Variants in DOCK10 observed in about 807,000 individuals in gnomAD.
The protein encoded by DOCK10 is dedicator of cytokinesis 10, also known as dedicator of cytokinesis protein 10.
Under a neutral mutation model 280.1 loss-of-function variants are expected in DOCK10, and 145 were observed. The ratio of observed to expected loss-of-function variants is 0.52; its 90% CI spans 0.45 to 0.59. The LOEUF (loss-of-function observed/expected upper bound fraction) is 0.59. Ranked by LOEUF, DOCK10 falls within the 20% of genes least tolerant of loss-of-function variation. The probability of loss-of-function intolerance (pLI) is 0.00; values close to 1 mark genes in which losing one functional copy is unlikely to be tolerated. For missense variants in DOCK10, 2,368 were observed against 2,651.7 expected, an observed-to-expected ratio of 0.89 and a Z score of 2.35; for synonymous variants, 915 against 942.2, an observed-to-expected ratio of 0.97 and a Z score of 0.53.
Position 224,786,021 on chromosome 2 carries a change from C to G in DOCK10, c.5655+1001G>C, listed in dbSNP as rs1449553037. ...ACCAGCCTGGCCAACATAATGAAACCCTGTCTCTACTAAAAAATACAAAAA... is the reference window on the plus strand; with the variant it reads ...ACCAGCCTGGCCAACATAATGAAACGCTGTCTCTACTAAAAAATACAAAAA... On this transcript the variant is annotated intron_variant, in intron 50 of 55. Transcript: ENST00000258390. This position sits in a 1 kb window ranked among gnomAD's most constrained non-coding sequence, Gnocchi z 4.7. 1.3e-5 allele frequency among the ~76,000 whole-genome samples: 2 copies of G among 152,010 alleles called. No individual in the cohort carries two copies. Among genetic ancestry groups the G allele is most frequent in the East Asian group, 1.9e-4 (1 of 5,132 alleles).
At chr2:225,028,527 C>T (rs950059898) in intron 1 of DOCK10, among the ~76,000 whole-genome samples, 1 of 152,128 alleles carries the variant, frequency 6.6e-6, no homozygotes, top group Non-Finnish European at 1.5e-5. Context: ...ACCTACACTA[C>T]GGTAGGATAA....
intron 27 of DOCK10, among the ~76,000 whole-genome samples, chr2:224,827,298 A>T (rs2125368848): frequency 6.6e-6 from 1 of 151,764 alleles, no homozygotes; most frequent in Non-Finnish European, 1.5e-5. Context: ...AAAAGATGAT[A>T]TCAGGTCTTT....
chr2:224,940,424 T>C (rs185573617), intron 1 of DOCK10, among the ~76,000 whole-genome samples: 2 of 152,326 alleles, frequency 1.3e-5, no homozygotes, highest in East Asian at 3.9e-4. Flanking sequence ...TTCCTCAATT[T>C]TTATGTTTAT....
chr2:224,854,884 C>T, intron 16 of DOCK10, 79 bp downstream of exon 16: 1 of 1,155,456 alleles, frequency 8.7e-7, no homozygotes, highest in Non-Finnish European at 1.2e-6. Flanking sequence ...ACCAACCAAC[C>T]AACCAACCAA....
At chr2:224,957,285 G>GCC (rs35689409) in intron 1 of DOCK10, among the ~76,000 whole-genome samples, 25,257 of 114,526 alleles carry the variant, frequency 0.22, 2,923 homozygotes, top group Non-Finnish European at 0.25. Context: ...TTTACTTTCC[G>GCC]CCCCCCCCCG....
intron 1 of DOCK10, among the ~76,000 whole-genome samples, chr2:224,933,651 A>G (rs1364422022): frequency 6.6e-6 from 1 of 152,196 alleles, no homozygotes; most frequent in Admixed American, 6.5e-5. Flanking sequence ...TTCATTGTTT[A>G]TGTCTCTAAG....
chr2:224,777,700 C>T (rs890271869), intron 51 of DOCK10, among the ~76,000 whole-genome samples: 9 of 152,180 alleles, frequency 5.9e-5, no homozygotes, highest in Admixed American at 5.2e-4. Flanking sequence ...ACCCTGTGAT[C>T]GTGTGAGTCA....
At chr2:224,920,060 T>C (rs978674990) in intron 2 of DOCK10, among the ~76,000 whole-genome samples, 1 of 152,042 alleles carries the variant, frequency 6.6e-6, no homozygotes, top group Non-Finnish European at 1.5e-5. Context: ...ATCTTATTAT[T>C]TACATTTTAC....
intron 31 of DOCK10, among the ~76,000 whole-genome samples, chr2:224,811,219 A>G (rs982429573): frequency 3.3e-5 from 5 of 152,070 alleles, no homozygotes; most frequent in Non-Finnish European, 5.9e-5. Flanking sequence ...TTTGATCTGC[A>G]TTTCTCTGAT....
Position 224,765,771 on chromosome 2 carries a change from C to T in DOCK10, c.6511G>A (p.Ala2171Thr). ...DQTCTRVISK[A>T]TPALPTVSIS... The stretch of plus-strand genomic sequence containing the variant: ...GAGACCGTGGGTAGGGCCGGAGTTG[C>T]TTTGCTAATTACTCGAGTGCAGGTT... Residue 2171 changes from alanine to threonine, a missense_variant, in exon 56 of 56, where the codon GCA becomes ACA. Transcript: ENST00000258390. 2 of 1,613,936 alleles carry T rather than the reference C, an allele frequency of 1.2e-6. No individual in the cohort carries two copies. Among genetic ancestry groups the T allele is most frequent in the Non-Finnish European group, 1.7e-6 (2 of 1,179,880 alleles).
At chr2:224,782,534 G>A (rs1235035162) in intron 50 of DOCK10, among the ~76,000 whole-genome samples, 2 of 152,166 alleles carry the variant, frequency 1.3e-5, no homozygotes, top group African/African-American at 2.4e-5. Flanking sequence ...CTTTGTATAG[G>A]CTGCTATATG....
chr2:224,931,729 T>C, intron 1 of DOCK10, 61 bp from the exon 2 acceptor site: 1 of 1,492,664 alleles, frequency 6.7e-7, no homozygotes, highest in South Asian at 1.3e-5. Context: ...TTTCTATGCC[T>C]GGTTGGATTT....
intron 2 of DOCK10, among the ~76,000 whole-genome samples, chr2:224,928,218 T>A (rs1217774637): frequency 2.6e-5 from 4 of 152,072 alleles, no homozygotes; most frequent in Non-Finnish European, 5.9e-5. Flanking sequence ...AAACCAAAAA[T>A]GCATGCAGTT....
intron 30 of DOCK10, among the ~76,000 whole-genome samples, 175 bp downstream of exon 30, chr2:224,816,442 C>A (rs751893014): frequency 3.9e-5 from 6 of 152,060 alleles, no homozygotes; most frequent in African/African-American, 1.4e-4. Flanking sequence ...CACATGCCAA[C>A]AACTTCTTTT....
intron 51 of DOCK10, among the ~76,000 whole-genome samples, chr2:224,776,691 C>A (rs565378012): frequency 6.6e-6 from 1 of 152,208 alleles, no homozygotes; most frequent in Non-Finnish European, 1.5e-5. Context: ...TGGGCACAAA[C>A]CACCTTTTCC....
Position 224,864,688 on chromosome 2 carries a change from A to G in DOCK10, c.1480-13T>C. 6.2e-7 allele frequency: 1 copy of G among 1,601,568 alleles called. No homozygotes were observed. Among genetic ancestry groups the G allele is most frequent in the Non-Finnish European group, 8.5e-7 (1 of 1,176,600 alleles). On this transcript the variant is annotated splice_polypyrimidine_tract_variant and intron_variant, in intron 12 of 55. Transcript: ENST00000258390. ...CAGAAAATACAGCCTGTGTACAAAG[A>G]AAGCAGCTAATAAGCATGGAAGAAA...
At chr2:224,798,950 G>GTAC (rs1367276332) in intron 41 of DOCK10, among the ~76,000 whole-genome samples, 1 of 152,088 alleles carries the variant, frequency 6.6e-6, no homozygotes, top group East Asian at 1.9e-4. Flanking sequence ...AATCCGTAAT[G>GTAC]TACTAGCCTA....
intron 1 of DOCK10, among the ~76,000 whole-genome samples, chr2:224,964,735 T>C (rs886930423): frequency 6.6e-6 from 1 of 152,200 alleles, no homozygotes; most frequent in African/African-American, 2.4e-5. Flanking sequence ...TAATGTTAAA[T>C]TTCACCTTTT....
intron 1 of DOCK10, among the ~76,000 whole-genome samples, chr2:225,010,006 G>C (rs1243367094): frequency 6.6e-6 from 1 of 152,144 alleles, no homozygotes; most frequent in Non-Finnish European, 1.5e-5. Flanking sequence ...TTTTCATGTG[G>C]CTAAGGAGCC....
Sources: allele counts gnomAD v4.1 joint callset (sites outside exome capture counted in the v4.1 genomes callset), GRCh38; gene constraint gnomAD v4.1.1; non-coding constraint Gnocchi (gnomAD v3.1); transcripts MANE v1.5; gene names NCBI Gene and HGNC (gene_info 2026-07-23, HGNC 2026-07-21).